UGT2B7: variants seen among roughly 807,000 people sequenced by gnomAD.
UGT2B7 encodes UDP-glucuronosyltransferase 2B7.
UGT2B7 carries 51 observed loss-of-function variants against 51.9 expected under a neutral mutation model. The observed-to-expected ratio is 0.98, with a 90% CI of 0.78 to 1.24. The LOEUF is 1.24. UGT2B7 is among the 50% of genes most tolerant of loss of function. The probability of loss-of-function intolerance (pLI) is 0.00; values close to 1 mark genes in which losing one functional copy is unlikely to be tolerated. For missense variants in UGT2B7, 727 were observed against 628.4 expected (o/e 1.16, Z -1.68); for synonymous variants, 225 against 211.6 (o/e 1.06, Z -0.55).
At chr4:69,064,279 T>A (rs1321513655) in intron 1 of UGT2B7, among the ~76,000 whole-genome samples, 1 of 152,218 alleles carries the variant, frequency 6.6e-6, no homozygotes, top group Non-Finnish European at 1.5e-5. Context: ...AAATGTGGTC[T>A]GTAGACCCTC....
chr4:69,099,565 A>G (rs1293231894), intron 2 of UGT2B7, among the ~76,000 whole-genome samples: 1 of 152,044 alleles, frequency 6.6e-6, no homozygotes, highest in Non-Finnish European at 1.5e-5. Context: ...TTCAGGTAGC[A>G]GATGATGGAA....
chr4:69,060,369 G>C (rs746082474), intron 1 of UGT2B7, among the ~76,000 whole-genome samples: 14 of 152,124 alleles, frequency 9.2e-5, no homozygotes, highest in Admixed American at 5.9e-4. Flanking sequence ...GGGCCAGCAG[G>C]GTCCTGCTGC....
At chr4:69,098,798 T>A (rs1719329732) in intron 2 of UGT2B7, 110 bp downstream of exon 2, 1 of 1,550,554 alleles carries the variant, frequency 6.4e-7, no homozygotes, top group Admixed American at 2.2e-5. Context: ...AGATGGGAAA[T>A]GGGTGGGGTA....
At chr4:69,080,264 T>A (rs1019748843) in intron 1 of UGT2B7, among the ~76,000 whole-genome samples, 1 of 152,086 alleles carries the variant, frequency 6.6e-6, no homozygotes, top group Admixed American at 6.6e-5. Context: ...AAAAATTCTG[T>A]CTGCCAGGTG....
intron 5 of UGT2B7, among the ~76,000 whole-genome samples, chr4:69,111,114 GA>G (rs924519645): frequency 2.0e-5 from 3 of 151,960 alleles, no homozygotes; most frequent in East Asian, 1.9e-4. Context: ...GGAGAGAGGG[GA>G]AAAAAATGTG....
At chr4:69,105,288 T>C (rs1240370383) in intron 3 of UGT2B7, among the ~76,000 whole-genome samples, 1 of 152,176 alleles carries the variant, frequency 6.6e-6, no homozygotes, top group Non-Finnish European at 1.5e-5. Flanking sequence ...ATCTTTTATA[T>C]AGAATAAGCC....
intron 1 of UGT2B7, among the ~76,000 whole-genome samples, chr4:69,076,103 A>T (rs1718698092): frequency 6.6e-6 from 1 of 152,202 alleles, no homozygotes. Context: ...TGCAAAGGAC[A>T]TGTACTCATC....
chr4:69,110,972 T>C (rs1465901637), intron 5 of UGT2B7, among the ~76,000 whole-genome samples: 1 of 151,942 alleles, frequency 6.6e-6, no homozygotes, highest in African/African-American at 2.4e-5. Context: ...GCACAGAAAA[T>C]AGAGAAAATC....
At chr4:69,052,739 A>T (rs1261267674) in intron 1 of UGT2B7, among the ~76,000 whole-genome samples, 1 of 130,856 alleles carries the variant, frequency 7.6e-6, no homozygotes, top group East Asian at 2.3e-4. Flanking sequence ...CGTGAAAAAA[A>T]GTTATAAAAA....
intron 5 of UGT2B7, among the ~76,000 whole-genome samples, chr4:69,108,708 T>A (rs1719685800): frequency 6.6e-6 from 1 of 152,160 alleles, no homozygotes; most frequent in Non-Finnish European, 1.5e-5. Flanking sequence ...TGCTGAAAAA[T>A]TAACTTTTAT....
intron 1 of UGT2B7, among the ~76,000 whole-genome samples, chr4:69,054,520 T>C (rs962318089): frequency 1.6e-4 from 24 of 152,044 alleles, no homozygotes; most frequent in African/African-American, 5.8e-4. Context: ...ACATAACCAT[T>C]GAAGTTTGCA....
chr4:69,051,798 C>A (rs1476771051), intron 1 of UGT2B7, among the ~76,000 whole-genome samples: 3 of 152,194 alleles, frequency 2.0e-5, no homozygotes, highest in Non-Finnish European at 2.9e-5. Flanking sequence ...CTTATTGGCA[C>A]CTTTGTTCTG....
intron 1 of UGT2B7, among the ~76,000 whole-genome samples, chr4:69,066,752 T>C (rs978263294): frequency 3.3e-5 from 5 of 152,028 alleles, no homozygotes; most frequent in East Asian, 3.9e-4. Context: ...TTTCACAAAA[T>C]TTTTTTTCAA....
At chr4:69,096,434 C>T, upstream of UGT2B7, 2 of 1,586,402 alleles carry the variant, frequency 1.3e-6, no homozygotes, top group South Asian at 2.3e-5. Flanking sequence ...TACATTTTAA[C>T]TTCTTGGCTA....
chr4:69,110,793 C>T (rs1328408940), intron 5 of UGT2B7, among the ~76,000 whole-genome samples: 1 of 152,068 alleles, frequency 6.6e-6, no homozygotes, highest in African/African-American at 2.4e-5. Flanking sequence ...ACAATCTGAA[C>T]AGTAGGTAAA....
intron 1 of UGT2B7, among the ~76,000 whole-genome samples, chr4:69,064,575 C>T (rs953663252): frequency 9.9e-5 from 15 of 152,150 alleles, no homozygotes; most frequent in Non-Finnish European, 7.4e-5. Context: ...TATGAACTAT[C>T]ACAATTTGAT....
At chr4:69,079,488 A>AAT (rs1227240555) in intron 1 of UGT2B7, among the ~76,000 whole-genome samples, 6 of 152,130 alleles carry the variant, frequency 3.9e-5, no homozygotes, top group Admixed American at 1.3e-4. Context: ...TATAATAAAA[A>AAT]ATATATATAT....
intron 1 of UGT2B7, among the ~76,000 whole-genome samples, chr4:69,080,756 T>C (rs911617917): frequency 2.6e-5 from 4 of 152,110 alleles, no homozygotes; most frequent in Admixed American, 2.6e-4. Flanking sequence ...AACATTCTTC[T>C]TTACACACTC....
chr4:69,053,805 G>A (rs1318566311), intron 1 of UGT2B7, among the ~76,000 whole-genome samples: 1 of 152,180 alleles, frequency 6.6e-6, no homozygotes, highest in African/African-American at 2.4e-5. Context: ...ATGTGTGGTG[G>A]TATTGTGGTG....
Sources: gnomAD v4.1 joint callset for allele counts (sites outside exome capture counted in the v4.1 genomes callset) on GRCh38, gnomAD v4.1.1 for gene constraint, MANE v1.5 for transcripts, NCBI Gene and HGNC (gene_info 2026-07-23, HGNC 2026-07-21) for gene names.